The following RBFOX1 variants were observed in gnomAD, a reference collection of about 807,000 sequenced individuals.
RBFOX1 encodes the protein RNA binding protein fox-1 homolog 1.
RBFOX1 carries 8 observed loss-of-function variants against 57.7 expected under a neutral mutation model. That is an observed-to-expected ratio of 0.14 (90% CI 0.08 to 0.25). The LOEUF is 0.25. Ranked by LOEUF, RBFOX1 falls within the 10% of genes least tolerant of loss-of-function variation. The pLI is 1.00. For missense variants in RBFOX1, 611 were observed against 548.5 expected (o/e 1.11, Z -1.14); for synonymous variants, 326 against 222.4 (o/e 1.47, Z -4.15).
rs1046059546 is a variant in RBFOX1, at chr16:5,509,989, G to A, written c.258+42735G>A. On this transcript the variant is annotated intron_variant, in intron 2 of 2. Coordinates refer to the RBFOX1 transcript ENST00000585867. ...GGCACAAGTTCTGGGCTTGGAGCCAGAGTGCCTGTGTGCAGAGCTCAGCCA... is the reference window on the plus strand; with the variant it reads ...GGCACAAGTTCTGGGCTTGGAGCCAAAGTGCCTGTGTGCAGAGCTCAGCCA... Among the ~76,000 whole-genome samples the A allele has an allele frequency of 2.0e-5, 3 of 152,212 alleles. 1 individual carries two copies. The South Asian group carries it at 6.2e-4, about 32-fold the overall frequency.
chr16:5,825,852 G>GAATAAGGCATAATATTCCT (rs1567592067), intron 3 of RBFOX1, among the ~76,000 whole-genome samples: 3 of 45,940 alleles, frequency 6.5e-5, no homozygotes, highest in African/African-American at 3.4e-4. Flanking sequence ...ATAATATTCC[G>GAATAAGGCATAATATTCCT]TAATATGAAT....
intron 1 of RBFOX1, among the ~76,000 whole-genome samples, chr16:5,425,071 A>G (rs146012114): frequency 1.3e-5 from 1 of 79,874 alleles, no homozygotes; most frequent in African/African-American, 6.3e-5. Context: ...TTTCTTATCT[A>G]TCTATCTATC....
intron 11 of RBFOX1, among the ~76,000 whole-genome samples, chr16:7,638,201 G>T (rs1287689615): frequency 6.6e-6 from 1 of 152,154 alleles, no homozygotes; most frequent in Non-Finnish European, 1.5e-5. Context: ...ATAAGTAGTG[G>T]TTATTGGGCA....
At chr16:7,471,142 T>C (rs563926149) in intron 4 of RBFOX1, among the ~76,000 whole-genome samples, 8 of 152,288 alleles carry the variant, frequency 5.3e-5, no homozygotes, top group African/African-American at 1.9e-4. Flanking sequence ...TTTGCCATTA[T>C]TCTTGGGGGG....
intron 2 of RBFOX1, among the ~76,000 whole-genome samples, chr16:5,583,760 C>A (rs1395852029): frequency 6.6e-6 from 1 of 152,106 alleles, no homozygotes; most frequent in Non-Finnish European, 1.5e-5. Flanking sequence ...GCTGTTAGCC[C>A]CATCTTATAG....
At chr16:7,218,668 G>GTGTGTGTGCA (rs2092465583) in intron 4 of RBFOX1, among the ~76,000 whole-genome samples, 1 of 148,794 alleles carries the variant, frequency 6.7e-6, no homozygotes, top group African/African-American at 2.5e-5. Context: ...GTGTGTGTGT[G>GTGTGTGTGCA]TGTGTGTGTG....
In RBFOX1 at chr16:6,854,686, CT is replaced by C. The variant is rs989576986; in HGVS notation, c.-15-197370del. 2.0e-5 allele frequency among the ~76,000 whole-genome samples: 3 copies of C among 147,884 alleles called. No individual in the cohort carries two copies. The Admixed American group carries it at 2.1e-4, about 10-fold the overall frequency. ...CTGGGCTCACTGCAAGCTCCGCCTCCTGGGTTCAAGTCGTTCTCCTGCGTCA... is the reference window on the plus strand; with the variant it reads ...CTGGGCTCACTGCAAGCTCCGCCTCCGGGTTCAAGTCGTTCTCCTGCGTCA... On this transcript the variant is annotated intron_variant, in intron 3 of 15. Coordinates refer to ENST00000550418, the MANE Select transcript of RBFOX1 (RefSeq NM_018723.4).
rs1224172233 is a variant in RBFOX1, at chr16:5,783,353, A to G, written c.319-83950A>G. The stretch of plus-strand genomic sequence containing the variant: ...TAGTTTGTACCAATCTGTGGTAACC[A>G]TGTTTTGATTTCTGTTTCTACAGAT... On this transcript the variant is annotated intron_variant, in intron 3 of 19. Transcript: ENST00000641259. Among the ~76,000 whole-genome samples, 5 of 152,242 alleles carry G rather than the reference A, an allele frequency of 3.3e-5. No homozygotes were observed. In the East Asian group the frequency reaches 7.7e-4, roughly 24 times the overall value.
At chr16:6,389,659 T>TA (rs971697702) in intron 2 of RBFOX1, among the ~76,000 whole-genome samples, 1 of 151,970 alleles carries the variant, frequency 6.6e-6, no homozygotes, top group African/African-American at 2.4e-5. Flanking sequence ...ATGACAAGAG[T>TA]AAACATGAGG....
At chr16:6,898,439 C>T (rs1337557278) in intron 3 of RBFOX1, among the ~76,000 whole-genome samples, 2 of 152,128 alleles carry the variant, frequency 1.3e-5, no homozygotes, top group African/African-American at 4.8e-5. Flanking sequence ...TGGTAGTAAG[C>T]ATTTGGAATC....
chr16:6,570,202 C>A (rs111719453), intron 2 of RBFOX1, among the ~76,000 whole-genome samples: 5 of 152,100 alleles, frequency 3.3e-5, no homozygotes, highest in African/African-American at 1.2e-4. Flanking sequence ...TTTCATTGAC[C>A]ATGGATTTAT....
chr16:5,689,988 A>G (rs2050623713), intron 3 of RBFOX1, among the ~76,000 whole-genome samples: 1 of 152,186 alleles, frequency 6.6e-6, no homozygotes, highest in African/African-American at 2.4e-5. Flanking sequence ...TGCTGCTTGC[A>G]CATGGAACAG....
intron 3 of RBFOX1, among the ~76,000 whole-genome samples, chr16:6,887,146 T>C (rs1205743085): frequency 6.6e-6 from 1 of 152,204 alleles, no homozygotes; most frequent in Non-Finnish European, 1.5e-5. Flanking sequence ...TATTGTTGAC[T>C]CTGCTGTTCT....
At chr16:7,341,826 C>CCTTCCTT (rs2096903443) in intron 4 of RBFOX1, among the ~76,000 whole-genome samples, 3 of 133,854 alleles carry the variant, frequency 2.2e-5, no homozygotes, top group Non-Finnish European at 4.8e-5. Context: ...TTCCTTCCTT[C>CCTTCCTT]CTTTTTGAGG....
At chr16:7,187,772 C>G (rs1038961437) in intron 4 of RBFOX1, among the ~76,000 whole-genome samples, 1 of 146,846 alleles carries the variant, frequency 6.8e-6, no homozygotes, top group African/African-American at 2.5e-5. Context: ...AAAAATCGCT[C>G]TCTGTAAAAT....
At chr16:7,008,500 AC>A (rs999544871) in intron 3 of RBFOX1, among the ~76,000 whole-genome samples, 14 of 152,046 alleles carry the variant, frequency 9.2e-5, no homozygotes, top group African/African-American at 3.4e-4. Flanking sequence ...AGATCATACC[AC>A]TGCACTCCAG....
At chr16:7,590,025 G>C (rs2094358481) in intron 7 of RBFOX1, among the ~76,000 whole-genome samples, 1 of 151,382 alleles carries the variant, frequency 6.6e-6, no homozygotes, top group African/African-American at 2.4e-5. Flanking sequence ...TAGCCCTTTA[G>C]GAAGCTGAGG....
At chr16:6,911,061 C>A (rs893390033) in intron 3 of RBFOX1, among the ~76,000 whole-genome samples, 4 of 151,824 alleles carry the variant, frequency 2.6e-5, no homozygotes, top group Admixed American at 1.3e-4. Flanking sequence ...ATTAGCCGAG[C>A]GTGGTGGCAG....
intron 3 of RBFOX1, among the ~76,000 whole-genome samples, chr16:6,801,923 C>G (rs548936911): frequency 2.0e-5 from 3 of 152,214 alleles, no homozygotes; most frequent in Non-Finnish European, 4.4e-5. Flanking sequence ...GGACCTTCAT[C>G]TGGACCTTCA....
Sources: allele counts gnomAD v4.1 joint callset (sites outside exome capture counted in the v4.1 genomes callset), GRCh38; gene constraint gnomAD v4.1.1; transcripts MANE v1.5; gene names NCBI Gene and HGNC (gene_info 2026-07-23, HGNC 2026-07-21).